Variants in URM1 observed in about 807,000 individuals in gnomAD.
The protein encoded by URM1 is ubiquitin-related modifier 1.
Under a neutral mutation model 17.7 loss-of-function variants are expected in URM1, and 11 were observed. The observed-to-expected ratio is 0.62, with a 90% CI of 0.39 to 1.03. URM1 has a LOEUF of 1.03. URM1 is among the 50% of genes least tolerant of loss of function. URM1 has a pLI of 0.00. For missense variants in URM1, 128 were observed against 129.2 expected (o/e 0.99, Z 0.04); for synonymous variants, 48 against 50.6 (o/e 0.95, Z 0.22).
rs1046158456 is a variant in URM1, at chr9:128,390,014, A to T, written c.*280A>T. 12 of 512,466 alleles carry T rather than the reference A, an allele frequency of 2.3e-5. No individual in the cohort carries two copies. Among genetic ancestry groups the T allele is most frequent in the African/African-American group, 1.8e-4 (9 of 51,402 alleles). The allele number at this position is 512,466 out of a possible 1,614,324, so 31.7% of individuals were successfully genotyped here. A position where few individuals can be genotyped will look rare whatever the true frequency, so the allele number is the denominator to read the frequency against. ...CCTCCAGTTTGTCAAGAGTTGAAGGAGGCTCTGTGGCCAGGTGACCTGGCT... is the reference window on the plus strand; with the variant it reads ...CCTCCAGTTTGTCAAGAGTTGAAGGTGGCTCTGTGGCCAGGTGACCTGGCT... On this transcript the variant is annotated 3_prime_UTR_variant, in exon 5 of 5. Coordinates refer to ENST00000372853, the MANE Select transcript of URM1 (RefSeq NM_030914.4).
At chr9:128,371,516 T>A in intron 1 of URM1, 101 bp downstream of exon 1, 1 of 1,234,826 alleles carries the variant, frequency 8.1e-7, no homozygotes, top group Non-Finnish European at 1.2e-6. Flanking sequence ...AATCACTGGG[T>A]GTCCCAGTGC....
At chr9:128,386,880 C>T (rs987450873) in intron 2 of URM1, among the ~76,000 whole-genome samples, 2 of 152,210 alleles carry the variant, frequency 1.3e-5, no homozygotes, top group African/African-American at 4.8e-5. Flanking sequence ...GAGTTGTCTC[C>T]CTGGGACCTT....
intron 2 of URM1, among the ~76,000 whole-genome samples, chr9:128,385,439 C>T (rs1833213353): frequency 6.6e-6 from 1 of 152,130 alleles, no homozygotes; most frequent in Non-Finnish European, 1.5e-5. Context: ...ATAGTAGCTG[C>T]TCAATAAATA....
chr9:128,389,119 T>C, intron 3 of URM1, 142 bp from the exon 4 acceptor site: 1 of 1,463,148 alleles, frequency 6.8e-7, no homozygotes, highest in Non-Finnish European at 9.0e-7. Flanking sequence ...CAGCCTCCCC[T>C]TCCTGGGATA....
intron 2 of URM1, among the ~76,000 whole-genome samples, chr9:128,384,684 A>G (rs56041182): frequency 6.6e-6 from 1 of 152,278 alleles, no homozygotes; most frequent in Non-Finnish European, 1.5e-5. Context: ...TAATTACAGC[A>G]TTGATATGCA....
At chr9:128,380,448 T>A (rs1833144174) in intron 2 of URM1, among the ~76,000 whole-genome samples, 2 of 152,038 alleles carry the variant, frequency 1.3e-5, no homozygotes, top group South Asian at 4.2e-4. Flanking sequence ...GTGCTAAAGG[T>A]GACTGTTTCT....
chr9:128,383,714 A>T (rs1321223430), intron 2 of URM1, among the ~76,000 whole-genome samples: 1 of 152,140 alleles, frequency 6.6e-6, no homozygotes, highest in African/African-American at 2.4e-5. Context: ...GAGAGGCTGG[A>T]TGAGGGTCTG....
At position 128,384,800 on chromosome 9, in the gene URM1, C is replaced by T. The variant is rs77646215; in HGVS notation, c.107-3016C>T. ...ATTTTACAAAAAAAGGAAGCCGAGG[C>T]TTCCTATTACCTAAGGTAATAGAAC... On this transcript the variant is annotated intron_variant, in intron 2 of 4. Coordinates refer to ENST00000372853, the MANE Select transcript of URM1 (RefSeq NM_030914.4). 4.4e-3 allele frequency among the ~76,000 whole-genome samples: 676 copies of T among 152,214 alleles called. 19 individuals are homozygous for T. The East Asian group carries it at 0.088, about 20-fold the overall frequency.
chr9:128,372,360 A>G (rs1442302808), intron 1 of URM1, among the ~76,000 whole-genome samples: 1 of 151,924 alleles, frequency 6.6e-6, no homozygotes, highest in Admixed American at 6.6e-5. Context: ...AAAGTCTGGG[A>G]TGGGAATCTA....
At chr9:128,377,542 T>C (rs1323210007) in intron 1 of URM1, among the ~76,000 whole-genome samples, 1 of 152,116 alleles carries the variant, frequency 6.6e-6, no homozygotes, top group Non-Finnish European at 1.5e-5. Flanking sequence ...TGGTGGCTCA[T>C]GTCTGTAGTC....
intron 1 of URM1, among the ~76,000 whole-genome samples, chr9:128,375,070 C>A (rs1833059930): frequency 6.6e-6 from 1 of 152,244 alleles, no homozygotes; most frequent in Non-Finnish European, 1.5e-5. Flanking sequence ...TAACCTTGGA[C>A]AAGTTGGTTG....
rs1356853084 is a variant in URM1, at chr9:128,391,774, C to G, written c.*2040C>G. 3.9e-5 allele frequency: 6 copies of G among 152,222 alleles called. No homozygotes were observed. The allele number at this position is 152,222 out of a possible 1,614,324, so 9.4% of individuals were successfully genotyped here. A position where few individuals can be genotyped will look rare whatever the true frequency, so the allele number is the denominator to read the frequency against. On this transcript the variant is annotated 3_prime_UTR_variant, in exon 5 of 5. Transcript: ENST00000372853. ...CCCCAATTAATACTGAAGAGTAGGG[C>G]AGGAGGAGGTGCTGGGAAAACCGGG...
intron 2 of URM1, among the ~76,000 whole-genome samples, chr9:128,378,947 CAAAA>C (rs397976946): frequency 2.8e-4 from 24 of 86,840 alleles, no homozygotes; most frequent in Admixed American, 4.0e-4. Context: ...ATTCTGTCAC[CAAAA>C]AAAAAAAAAA....
chr9:128,376,333 G>T (rs566179161), intron 1 of URM1, among the ~76,000 whole-genome samples: 1 of 152,154 alleles, frequency 6.6e-6, no homozygotes, highest in Non-Finnish European at 1.5e-5. Context: ...CTGCACTCCA[G>T]CCTGGGTGAC....
rs1205063811 is a variant in URM1, at chr9:128,390,694, A to G, written c.*960A>G. 1 of 152,380 alleles carries G rather than the reference A, an allele frequency of 6.6e-6. No individual in the cohort carries two copies. The highest frequency in any genetic ancestry group is 1.5e-5 in the Non-Finnish European group (1 of 68,052). The allele number at this position is 152,380 out of a possible 1,614,324, so 9.4% of individuals were successfully genotyped here. On this transcript the variant is annotated 3_prime_UTR_variant, in exon 5 of 5. Transcript: ENST00000372853. ...AAGTCTTGGGGCCTCAGTGCTTGCA[A>G]CAGCCGGCCTTGGGCAAATAAAAGA...
intron 3 of URM1, 117 bp downstream of exon 3, chr9:128,388,014 T>G: frequency 6.8e-7 from 1 of 1,469,780 alleles, no homozygotes; most frequent in Non-Finnish European, 9.0e-7. Context: ...TCCTCCTCCC[T>G]AACTCTTCCA....
chr9:128,387,726 G>C lies in URM1; in HGVS notation c.107-90G>C, dbSNP rs1833246208. ...CTAAAAGAAGCCCTCTAAACACCGT[G>C]TGTATTTCCTTGTGGGCCAGGCAAG... On this transcript the variant is annotated intron_variant, in intron 2 of 4. Coordinates refer to ENST00000372853, the MANE Select transcript of URM1 (RefSeq NM_030914.4). This position sits in a 1 kb window ranked among gnomAD's most constrained non-coding sequence, Gnocchi z 4.3. The C allele has an allele frequency of 4.4e-6, 7 of 1,595,000 alleles. No homozygotes were observed. The highest frequency in any genetic ancestry group is 6.0e-6 in the Non-Finnish European group (7 of 1,169,388).
At chr9:128,382,475 C>G (rs768979584) in intron 2 of URM1, among the ~76,000 whole-genome samples, 6 of 152,150 alleles carry the variant, frequency 3.9e-5, no homozygotes, top group Non-Finnish European at 8.8e-5. Flanking sequence ...GAAATAATAG[C>G]AGCCGTAAGA....
At chr9:128,379,554 C>T (rs1833130077) in intron 2 of URM1, among the ~76,000 whole-genome samples, 1 of 151,868 alleles carries the variant, frequency 6.6e-6, no homozygotes, top group Admixed American at 6.6e-5. Flanking sequence ...AATCCCAGCA[C>T]TTTGGGAGGC....
Sources: allele counts gnomAD v4.1 joint callset (sites outside exome capture counted in the v4.1 genomes callset), GRCh38; gene constraint gnomAD v4.1.1; non-coding constraint Gnocchi (gnomAD v3.1); transcripts MANE v1.5; gene names NCBI Gene and HGNC (gene_info 2026-07-23, HGNC 2026-07-21).